The following INTS9 variants were observed in gnomAD, a reference collection of about 807,000 sequenced individuals.
INTS9 encodes the protein protein related to CPSF subunits of 74 kDa.
Under a neutral mutation model 79.7 loss-of-function variants are expected in INTS9, and 55 were observed. The ratio of observed to expected loss-of-function variants is 0.69; its 90% CI spans 0.56 to 0.86. INTS9 has a LOEUF of 0.86. Ranked by LOEUF, INTS9 falls within the 40% of genes least tolerant of loss-of-function variation. The probability of loss-of-function intolerance (pLI) is 0.00; values close to 1 mark genes in which losing one functional copy is unlikely to be tolerated. For missense variants in INTS9, 721 were observed against 831.5 expected (o/e 0.87, Z 1.64); for synonymous variants, 319 against 325.2 (o/e 0.98, Z 0.20).
chr8:28,856,668 G>T (rs955351808), intron 2 of INTS9, among the ~76,000 whole-genome samples: 1 of 152,186 alleles, frequency 6.6e-6, no homozygotes, highest in Admixed American at 6.5e-5. Context: ...ATACACATTT[G>T]TAAGTTGCTG....
At chr8:28,780,745 G>A (rs1803206839) in intron 12 of INTS9, 78 bp downstream of exon 12, 1 of 1,552,130 alleles carries the variant, frequency 6.4e-7, no homozygotes, top group Admixed American at 1.9e-5. Context: ...ATCCTTCCCT[G>A]GGTCTCTACC....
At chr8:28,825,783 C>T (rs35927132) in intron 6 of INTS9, among the ~76,000 whole-genome samples, 29,880 of 152,216 alleles carry the variant, frequency 0.2, 3,229 homozygotes, top group East Asian at 0.46. Flanking sequence ...TGCAAAGCAT[C>T]TACAACTTTT....
chr8:28,808,353 C>G (rs547839953), intron 8 of INTS9, among the ~76,000 whole-genome samples: 2 of 152,144 alleles, frequency 1.3e-5, no homozygotes, highest in East Asian at 3.9e-4. Flanking sequence ...ACCATCACAC[C>G]GGTTAATTTT....
At chr8:28,834,468 C>G (rs1806683484) in intron 6 of INTS9, among the ~76,000 whole-genome samples, 1 of 152,218 alleles carries the variant, frequency 6.6e-6, no homozygotes, top group Non-Finnish European at 1.5e-5. Context: ...TCACCCTAAT[C>G]CACACTGAAC....
intron 4 of INTS9, among the ~76,000 whole-genome samples, chr8:28,842,096 T>A (rs113334008): frequency 8.9e-4 from 135 of 152,018 alleles, no homozygotes; most frequent in African/African-American, 3.1e-3. Flanking sequence ...TCAAAAAAAA[T>A]CATAAGGAAA....
chr8:28,889,956 G>T lies in INTS9; in HGVS notation c.-74C>A. The stretch of plus-strand genomic sequence containing the variant: ...GGAAGCGTCTTCCGGTGCAATCTCC[G>T]CCACCTGCCAGCCGAGAGCATCGCG... On this transcript the variant is annotated 5_prime_UTR_variant, in exon 1 of 17. Transcript: ENST00000521022. The T allele has an allele frequency of 8.1e-7, 1 of 1,239,982 alleles. No homozygotes were observed. 76.8% of individuals were successfully genotyped at this position (1,239,982 alleles called of 1,614,324 possible). A position where few individuals can be genotyped will look rare whatever the true frequency, so the allele number is the denominator to read the frequency against.
intron 4 of INTS9, among the ~76,000 whole-genome samples, chr8:28,845,262 A>G (rs1186605619): frequency 1.3e-5 from 2 of 152,214 alleles, no homozygotes. Context: ...GATTGGGACT[A>G]AGGCTGCATG....
At chr8:28,882,494 T>TA (rs1169421320) in intron 1 of INTS9, among the ~76,000 whole-genome samples, 476 of 39,596 alleles carry the variant, frequency 0.012, 1 homozygote, top group African/African-American at 0.039. Context: ...TAAAATAAAA[T>TA]AAAAAAAAAA....
chr8:28,819,772 T>C (rs954194035), intron 6 of INTS9, among the ~76,000 whole-genome samples: 11 of 152,154 alleles, frequency 7.2e-5, no homozygotes, highest in Non-Finnish European at 4.4e-5. Flanking sequence ...CTCCCATTAT[T>C]ATTGTGTGGG....
At chr8:28,869,665 C>T (rs967158844) in intron 1 of INTS9, among the ~76,000 whole-genome samples, 21 of 152,182 alleles carry the variant, frequency 1.4e-4, no homozygotes, top group African/African-American at 5.1e-4. Flanking sequence ...ATTTGGTAAT[C>T]TTTCACTTTC....
At chr8:28,828,472 A>T (rs1346590257) in intron 6 of INTS9, among the ~76,000 whole-genome samples, 2 of 152,208 alleles carry the variant, frequency 1.3e-5, no homozygotes, top group Non-Finnish European at 2.9e-5. Context: ...AATCCTATTA[A>T]GTTGTTAATA....
At chr8:28,826,390 C>G (rs1297431104) in intron 6 of INTS9, among the ~76,000 whole-genome samples, 1 of 152,098 alleles carries the variant, frequency 6.6e-6, no homozygotes, top group Non-Finnish European at 1.5e-5. Flanking sequence ...TAGAGGTGAG[C>G]CCTCTAACTG....
chr8:28,771,285 C>T (rs1802524100), intron 14 of INTS9: 1 of 594,038 alleles, frequency 1.7e-6, no homozygotes, highest in Middle Eastern at 4.6e-4. Context: ...CTTTACTTCA[C>T]CCTCATCCCC....
intron 14 of INTS9, among the ~76,000 whole-genome samples, chr8:28,773,229 C>T (rs1265139839): frequency 6.6e-6 from 1 of 152,138 alleles, no homozygotes; most frequent in African/African-American, 2.4e-5. Flanking sequence ...TCTGGGAGGC[C>T]AAGGCGGGTG....
intron 6 of INTS9, among the ~76,000 whole-genome samples, chr8:28,829,702 C>T (rs1806357858): frequency 6.6e-6 from 1 of 152,158 alleles, no homozygotes; most frequent in African/African-American, 2.4e-5. Flanking sequence ...GCTCAAGCCT[C>T]AAATCGAATA....
chr8:28,850,456 G>A (rs996672940), intron 2 of INTS9, among the ~76,000 whole-genome samples, 183 bp from the exon 3 acceptor site: 3 of 152,126 alleles, frequency 2.0e-5, no homozygotes, highest in Middle Eastern at 6.8e-3. Flanking sequence ...AAAATTATGT[G>A]GCAATAGGAT....
intron 1 of INTS9, among the ~76,000 whole-genome samples, chr8:28,882,234 G>C (rs1809890279): frequency 7.7e-6 from 1 of 130,304 alleles, no homozygotes; most frequent in Non-Finnish European, 1.7e-5. Flanking sequence ...GATGTGCTTT[G>C]TTAAACAGAT....
intron 1 of INTS9, among the ~76,000 whole-genome samples, chr8:28,880,431 G>GTT (rs1465431287): frequency 1.3e-5 from 2 of 151,006 alleles, no homozygotes; most frequent in Admixed American, 1.3e-4. Context: ...ACTGGTTTTC[G>GTT]TTTTTTTTTG....
At chr8:28,776,287 T>G in intron 13 of INTS9, 1 of 174,198 alleles carries the variant, frequency 5.7e-6, no homozygotes. Flanking sequence ...CTTGGCTGAT[T>G]ACCAAGAGCT....
Sources: gnomAD v4.1 joint callset for allele counts (sites outside exome capture counted in the v4.1 genomes callset) on GRCh38, gnomAD v4.1.1 for gene constraint, MANE v1.5 for transcripts, NCBI Gene and HGNC (gene_info 2026-07-23, HGNC 2026-07-21) for gene names.